The following ADGB variants were observed in gnomAD, a reference collection of about 807,000 sequenced individuals.
The protein encoded by ADGB is androglobin.
Under a neutral mutation model 210.5 loss-of-function variants are expected in ADGB, and 172 were observed. The observed-to-expected ratio is 0.82, with a 90% CI of 0.72 to 0.93. The LOEUF (loss-of-function observed/expected upper bound fraction) is 0.93, where lower values mean the gene tolerates loss of function less well. Ranked by LOEUF, ADGB falls within the 40% of genes least tolerant of loss-of-function variation. The pLI, the probability that ADGB is intolerant of heterozygous loss-of-function variation, is 0.00. For missense variants in ADGB, 2,025 were observed against 1,964.8 expected, an observed-to-expected ratio of 1.03 and a Z score of -0.58; for synonymous variants, 658 against 662.7, an observed-to-expected ratio of 0.99 and a Z score of 0.11.
At chr6:146,789,764 C>T (rs1014420768) in intron 33 of ADGB, among the ~76,000 whole-genome samples, 7 of 152,066 alleles carry the variant, frequency 4.6e-5, no homozygotes, top group Non-Finnish European at 5.9e-5. Flanking sequence ...ACTTGAGATT[C>T]CAGGAATTAG....
intron 35 of ADGB, among the ~76,000 whole-genome samples, chr6:146,806,356 T>G (rs1247156781): frequency 1.3e-5 from 2 of 152,198 alleles, no homozygotes; most frequent in African/African-American, 4.8e-5. Flanking sequence ...CTCAAGGGAT[T>G]ACTGATGTAT....
At chr6:146,637,956 A>G (rs973036405) in intron 2 of ADGB, among the ~76,000 whole-genome samples, 1 of 152,032 alleles carries the variant, frequency 6.6e-6, no homozygotes, top group Non-Finnish European at 1.5e-5. Context: ...TCAGGCCACT[A>G]TCATCGATGA....
intron 20 of ADGB, among the ~76,000 whole-genome samples, chr6:146,729,147 G>A (rs896788582): frequency 6.6e-6 from 1 of 152,124 alleles, no homozygotes; most frequent in African/African-American, 2.4e-5. Context: ...AGGCTGAGCA[G>A]CATTCTAGCT....
At chr6:146,698,659 GA>G (rs879664312) in intron 12 of ADGB, among the ~76,000 whole-genome samples, 3 of 151,992 alleles carry the variant, frequency 2.0e-5, no homozygotes, top group Admixed American at 6.6e-5. Context: ...TTTATAACCA[GA>G]AAAAAACATT....
intron 1 of ADGB, among the ~76,000 whole-genome samples, chr6:146,599,883 C>T (rs1041585180): frequency 6.6e-6 from 1 of 152,178 alleles, no homozygotes; most frequent in Admixed American, 6.5e-5. Context: ...GCTGCCCGCC[C>T]TGCTTCAGTG....
chr6:146,618,683 TTTTG>T (rs1482036192), intron 1 of ADGB, among the ~76,000 whole-genome samples: 2 of 150,992 alleles, frequency 1.3e-5, no homozygotes, highest in African/African-American at 4.9e-5. Flanking sequence ...TTTGCTTTCA[TTTTG>T]TTTTATTCCA....
chr6:146,625,058 T>A (rs1780952871), intron 1 of ADGB, among the ~76,000 whole-genome samples: 1 of 152,068 alleles, frequency 6.6e-6, no homozygotes, highest in Non-Finnish European at 1.5e-5. Flanking sequence ...TAGAGTGTCT[T>A]ATAAATGTTA....
intron 13 of ADGB, among the ~76,000 whole-genome samples, chr6:146,705,947 A>C (rs1776563889): frequency 6.6e-6 from 1 of 152,104 alleles, no homozygotes; most frequent in African/African-American, 2.4e-5. Flanking sequence ...TTTAAGATAT[A>C]GGGTCTTTCC....
At position 146,630,233 on chromosome 6, in the gene ADGB, G is replaced by A. The variant is rs144636099; in HGVS notation, c.75-5142G>A. 3.9e-3 allele frequency among the ~76,000 whole-genome samples: 591 copies of A among 151,764 alleles called. 2 individuals are homozygous for A. Among genetic ancestry groups the A allele is most frequent in the African/African-American group, 0.013 (544 of 41,372 alleles). ...GCCTGGGTGACAAGAGTGAAACTCC[G>A]TCAAAAAATAAAAATAAAAATAAAA... On this transcript the variant is annotated intron_variant, in intron 1 of 35. Coordinates refer to ENST00000397944, the MANE Select transcript of ADGB (RefSeq NM_024694.4).
chr6:146,687,242 C>G (rs960364916), intron 10 of ADGB, among the ~76,000 whole-genome samples: 10 of 152,054 alleles, frequency 6.6e-5, no homozygotes, highest in Admixed American at 1.3e-4. Context: ...ACTTCTAAAG[C>G]CTCTCCCAAG....
chr6:146,639,797 C>G (rs954505515), intron 2 of ADGB: 2 of 151,908 alleles, frequency 1.3e-5, no homozygotes, highest in African/African-American at 2.4e-5. Context: ...GCATGGCACA[C>G]AAATTCGTGA....
At chr6:146,633,341 T>C (rs375771814) in intron 1 of ADGB, among the ~76,000 whole-genome samples, 1 of 152,120 alleles carries the variant, frequency 6.6e-6, no homozygotes, top group South Asian at 2.1e-4. Flanking sequence ...TTTTTCAACA[T>C]AGCAGCAAGA....
chr6:146,701,929 G>A (rs1776498041), intron 13 of ADGB, among the ~76,000 whole-genome samples: 1 of 151,810 alleles, frequency 6.6e-6, no homozygotes, highest in South Asian at 2.1e-4. Context: ...ACATATTCTT[G>A]TAAGATATTT....
rs192091049 is a variant in ADGB at position 146,705,597 on chromosome 6, C to G, written c.1707+4527C>G. ...ATCATACTTGTAGATTTGCATATGT[C>G]AAACCATCCTTGCATCTCTGGGAAA... On this transcript the variant is annotated intron_variant, in intron 13 of 35. Coordinates refer to ENST00000397944, the MANE Select transcript of ADGB (RefSeq NM_024694.4). Among the ~76,000 whole-genome samples, 208 of 152,182 alleles carry G rather than the reference C, an allele frequency of 1.4e-3. 1 individual carries two copies. Among genetic ancestry groups the G allele is most frequent in the African/African-American group, 4.8e-3 (199 of 41,520 alleles).
intron 1 of ADGB, among the ~76,000 whole-genome samples, chr6:146,631,116 C>T (rs1312480095): frequency 6.6e-6 from 1 of 152,142 alleles, no homozygotes; most frequent in African/African-American, 2.4e-5. Context: ...TGTAATATAG[C>T]ATACAAGTGC....
At chr6:146,751,963 TTCA>T (rs1777329336) in intron 26 of ADGB, among the ~76,000 whole-genome samples, 1 of 152,194 alleles carries the variant, frequency 6.6e-6, no homozygotes, top group African/African-American at 2.4e-5. Flanking sequence ...CTCCAGTATT[TTCA>T]GGATGTTAGT....
chr6:146,732,307 C>G (rs1001016788), intron 20 of ADGB, among the ~76,000 whole-genome samples: 2 of 152,132 alleles, frequency 1.3e-5, no homozygotes, highest in African/African-American at 4.8e-5. Flanking sequence ...GAATCGGTGA[C>G]CCACCTAATG....
At chr6:146,813,894 G>T (rs1778341235) in intron 35 of ADGB, among the ~76,000 whole-genome samples, 1 of 152,122 alleles carries the variant, frequency 6.6e-6, no homozygotes, top group African/African-American at 2.4e-5. Context: ...TTTGATTGAA[G>T]CCATTTTAAA....
At position 146,676,347 on chromosome 6, in the gene ADGB, A is replaced by G. The variant is rs767102626; in HGVS notation, c.1122A>G (p.Arg374=). 4.0e-4 allele frequency: 614 copies of G among 1,549,418 alleles called. 5 individuals carry two copies. The highest frequency in any genetic ancestry group is 6.4e-5 in the Non-Finnish European group (73 of 1,145,788). The stretch of plus-strand genomic sequence containing the variant: ...ATGCAAGAGACATTGGAAAGAAGAG[A>G]AGCAAAGATGGAGAAAAAGAAAAAT... The part of the protein sequence containing the change: ...KADARDIGKK[R]SKDGEKEKFK... Residue 374 remains arginine (R), a synonymous_variant, in exon 9 of 36, where the codon AGA becomes AGG. Transcript: ENST00000397944.
Sources: allele counts gnomAD v4.1 joint callset (sites outside exome capture counted in the v4.1 genomes callset), GRCh38; gene constraint gnomAD v4.1.1; transcripts MANE v1.5; gene names NCBI Gene and HGNC (gene_info 2026-07-23, HGNC 2026-07-21).